The following VRK2 variants were observed in gnomAD, a reference collection of about 807,000 sequenced individuals.
VRK2 encodes the protein VRK serine/threonine kinase 2.
VRK2 carries 60 observed loss-of-function variants against 57.6 expected under a neutral mutation model. The observed-to-expected ratio is 1.04, with a 90% CI of 0.85 to 1.29. VRK2 has a LOEUF of 1.29. VRK2 is among the 50% of genes most tolerant of loss of function. The probability of loss-of-function intolerance (pLI) is 0.00; values close to 1 mark genes in which losing one functional copy is unlikely to be tolerated. For synonymous variants in VRK2, 231 were observed against 199.2 expected, an observed-to-expected ratio of 1.16 and a Z score of -1.35; for missense variants, 705 against 588.1, an observed-to-expected ratio of 1.20 and a Z score of -2.06.
At chr2:57,957,742 G>T (rs1671631886) in intron 1 of VRK2, among the ~76,000 whole-genome samples, 1 of 151,480 alleles carries the variant, frequency 6.6e-6, no homozygotes, top group Middle Eastern at 3.4e-3. Flanking sequence ...ATCATGCAGG[G>T]TCATTTTTTT....
At chr2:58,031,847 T>C (rs1206325948) in intron 2 of VRK2, among the ~76,000 whole-genome samples, 3 of 151,842 alleles carry the variant, frequency 2.0e-5, no homozygotes, top group African/African-American at 4.8e-5. Flanking sequence ...ACGAAAAAAA[T>C]GGAAGGAAGG....
chr2:58,149,575 G>A (rs551232973), intron 12 of VRK2, among the ~76,000 whole-genome samples: 10 of 151,240 alleles, frequency 6.6e-5, no homozygotes, highest in Non-Finnish European at 4.4e-5. Flanking sequence ...CTAGTATTAC[G>A]TTGAATAGAA....
intron 10 of VRK2, among the ~76,000 whole-genome samples, chr2:58,137,835 T>G (rs889260130): frequency 6.6e-6 from 1 of 152,200 alleles, no homozygotes; most frequent in Non-Finnish European, 1.5e-5. Context: ...TCTGGCAATA[T>G]GCTAGTAAAT....
At chr2:57,970,345 CAAA>C (rs1672059565) in intron 1 of VRK2, among the ~76,000 whole-genome samples, 2 of 150,820 alleles carry the variant, frequency 1.3e-5, no homozygotes, top group South Asian at 4.2e-4. Context: ...TACATAGTAA[CAAA>C]GAAGTAACAA....
upstream of VRK2, among the ~76,000 whole-genome samples, chr2:58,044,047 T>G (rs747836271): frequency 6.6e-6 from 1 of 152,238 alleles, no homozygotes; most frequent in African/African-American, 2.4e-5. Context: ...GAGATTTAGA[T>G]CTTGTATTTA....
In VRK2 at chr2:58,126,602, A is replaced by G. The variant is rs147430085; in HGVS notation, c.676+3369A>G. Among the ~76,000 whole-genome samples, 59 of 152,256 alleles carry G rather than the reference A, an allele frequency of 3.9e-4. 1 individual carries two copies. The East Asian group carries it at 6.9e-3, about 18-fold the overall frequency. ...ATTCCTAGAACTCCTGTACATCTGCATATCTGTATGTTTTTTTAAAAATTG... is the reference window on the plus strand; with the variant it reads ...ATTCCTAGAACTCCTGTACATCTGCGTATCTGTATGTTTTTTTAAAAATTG... On this transcript the variant is annotated intron_variant, in intron 8 of 12. Coordinates refer to ENST00000340157, the MANE Select transcript of VRK2 (RefSeq NM_006296.7).
intron 1 of VRK2, among the ~76,000 whole-genome samples, chr2:57,924,958 T>C (rs940769338): frequency 6.6e-6 from 1 of 152,104 alleles, no homozygotes; most frequent in Non-Finnish European, 1.5e-5. Context: ...CAGCATCGAT[T>C]GAAATGATCA....
At chr2:58,005,589 G>T (rs1047264498) in intron 1 of VRK2, among the ~76,000 whole-genome samples, 12 of 151,982 alleles carry the variant, frequency 7.9e-5, no homozygotes, top group Admixed American at 2.0e-4. Flanking sequence ...CTGTTGAAAT[G>T]ACATAAAAAT....
chr2:57,987,684 AC>A, intron 1 of VRK2, among the ~76,000 whole-genome samples: 1 of 152,314 alleles, frequency 6.6e-6, no homozygotes, highest in East Asian at 1.9e-4. Flanking sequence ...ATTTATGTTC[AC>A]ACAAAAACCT....
intron 1 of VRK2, among the ~76,000 whole-genome samples, chr2:57,964,370 C>A (rs999682888): frequency 4.6e-5 from 7 of 152,106 alleles, no homozygotes; most frequent in African/African-American, 1.7e-4. Context: ...TCATCCTCAT[C>A]ATCTTCAGGT....
intron 1 of VRK2, among the ~76,000 whole-genome samples, chr2:57,948,873 A>T (rs1295987858): frequency 6.6e-6 from 1 of 152,146 alleles, no homozygotes; most frequent in African/African-American, 2.4e-5. Flanking sequence ...GTGTCATTGA[A>T]GTTAAGCGGA....
chr2:58,027,363 A>T (rs1342536063), intron 2 of VRK2, among the ~76,000 whole-genome samples: 1 of 152,156 alleles, frequency 6.6e-6, no homozygotes, highest in African/African-American at 2.4e-5. Context: ...TCAGGGGTGG[A>T]TAGTGGTAAG....
intron 12 of VRK2, among the ~76,000 whole-genome samples, chr2:58,157,666 T>C (rs986098847): frequency 6.6e-6 from 1 of 152,224 alleles, no homozygotes; most frequent in Non-Finnish European, 1.5e-5. Flanking sequence ...ACCTTTTGAA[T>C]GAGATCTGCA....
At chr2:58,104,450 A>G (rs562160608) in intron 7 of VRK2, among the ~76,000 whole-genome samples, 5 of 149,606 alleles carry the variant, frequency 3.3e-5, no homozygotes, top group East Asian at 3.9e-4. Context: ...CGAAAAGGCA[A>G]TTTTATTTAC....
intron 7 of VRK2, among the ~76,000 whole-genome samples, chr2:58,095,772 A>C (rs1673051441): frequency 6.6e-6 from 1 of 152,110 alleles, no homozygotes; most frequent in Non-Finnish European, 1.5e-5. Flanking sequence ...TGCATTGTCT[A>C]ATACATTCAA....
At chr2:58,126,159 T>G (rs1186277418) in intron 8 of VRK2, among the ~76,000 whole-genome samples, 8 of 148,414 alleles carry the variant, frequency 5.4e-5, no homozygotes, top group African/African-American at 2.0e-4. Context: ...AAAAAAAAAG[T>G]CACTAGGATA....
chr2:58,112,576 G>GAAAA lies in VRK2; in HGVS notation c.544-10516_544-10513dup, dbSNP rs35166006. On this transcript the variant is annotated intron_variant, in intron 7 of 12. Transcript: ENST00000340157. ...GAATGAGCTGACAGTATAGTAACAGGAAAAAAAAAAAAGGCCTACAAATTT... is the reference window on the plus strand; with the variant it reads ...GAATGAGCTGACAGTATAGTAACAGGAAAAAAAAAAAAAAAAGGCCTACAAATTT... 4.1e-4 allele frequency among the ~76,000 whole-genome samples: 57 copies of GAAAA among 140,582 alleles called. 1 individual carries two copies. Among genetic ancestry groups the GAAAA allele is most frequent in the African/African-American group, 1.3e-3 (51 of 39,008 alleles). 92.2% of individuals were successfully genotyped at this position (140,582 alleles called of 152,430 possible).
At chr2:57,919,550 T>C (rs571008967) in intron 1 of VRK2, among the ~76,000 whole-genome samples, 39 of 152,210 alleles carry the variant, frequency 2.6e-4, no homozygotes, top group African/African-American at 9.1e-4. Flanking sequence ...AAATATCATG[T>C]GTAAACAAGT....
chr2:58,084,865 A>T lies in VRK2; in HGVS notation c.187-16A>T. Reference sequence around the variant, plus strand: ...TTATTTTTTTCTAGTAAAATTAATTATTCTTTTTTTTATAGGAATATCAAG... The same window carrying T: ...TTATTTTTTTCTAGTAAAATTAATTTTTCTTTTTTTTATAGGAATATCAAG... On this transcript the variant is annotated splice_polypyrimidine_tract_variant and intron_variant, in intron 3 of 12. Coordinates refer to ENST00000340157, the MANE Select transcript of VRK2 (RefSeq NM_006296.7). 6.8e-7 allele frequency: 1 copy of T among 1,462,382 alleles called. No individual in the cohort carries two copies. Among genetic ancestry groups the T allele is most frequent in the Non-Finnish European group, 9.3e-7 (1 of 1,075,092 alleles). The allele number at this position is 1,462,382 out of a possible 1,614,324, so 90.6% of individuals were successfully genotyped here.
Sources: gnomAD v4.1 joint callset for allele counts (sites outside exome capture counted in the v4.1 genomes callset) on GRCh38, gnomAD v4.1.1 for gene constraint, MANE v1.5 for transcripts, NCBI Gene and HGNC (gene_info 2026-07-23, HGNC 2026-07-21) for gene names.